The following FAM227B variants were observed in gnomAD, a reference collection of about 807,000 sequenced individuals.
The protein encoded by FAM227B is protein FAM227B.
Under a neutral mutation model 73.8 loss-of-function variants are expected in FAM227B, and 88 were observed. The observed-to-expected ratio is 1.19, with a 90% CI of 1.00 to 1.42. The LOEUF is 1.42. FAM227B is among the 40% of genes most tolerant of loss of function. The pLI is 0.00. For missense variants in FAM227B, 632 were observed against 590.9 expected (o/e 1.07, Z -0.72); for synonymous variants, 210 against 190.5 (o/e 1.10, Z -0.84).
intron 8 of FAM227B, among the ~76,000 whole-genome samples, chr15:49,572,719 T>A (rs940649272): frequency 4.6e-5 from 7 of 152,134 alleles, no homozygotes; most frequent in Admixed American, 4.6e-4. Flanking sequence ...ATAATATTTA[T>A]GCTTGGGAAT....
intron 13 of FAM227B, among the ~76,000 whole-genome samples, chr15:49,336,031 C>A (rs1028686329): frequency 4.6e-5 from 7 of 152,106 alleles, no homozygotes; most frequent in Non-Finnish European, 1.0e-4. Flanking sequence ...GAACTTCAAA[C>A]TCCTGGGCTC....
chr15:49,357,878 G>C (rs201198452), intron 13 of FAM227B, among the ~76,000 whole-genome samples: 24,317 of 151,614 alleles, frequency 0.16, 3,033 homozygotes, highest in African/African-American at 0.35. Context: ...CCATCAAAAA[G>C]CTTATCCACC....
At chr15:49,541,012 T>A (rs2070992682) in intron 10 of FAM227B, among the ~76,000 whole-genome samples, 1 of 152,108 alleles carries the variant, frequency 6.6e-6, no homozygotes, top group Admixed American at 6.6e-5. Context: ...ATTAAGCAGT[T>A]TTAAAAATCA....
At chr15:49,505,379 A>T (rs918840892) in intron 11 of FAM227B, among the ~76,000 whole-genome samples, 1 of 152,152 alleles carries the variant, frequency 6.6e-6, no homozygotes, top group Non-Finnish European at 1.5e-5. Flanking sequence ...TACACTTTAA[A>T]TATATGCAAT....
intron 11 of FAM227B, among the ~76,000 whole-genome samples, chr15:49,413,583 T>G (rs1019263290): frequency 1.3e-5 from 2 of 152,244 alleles, no homozygotes; most frequent in Non-Finnish European, 2.9e-5. Context: ...AATTATGGCC[T>G]CCTAACCAGT....
At chr15:49,352,806 TC>T (rs1375777021) in intron 13 of FAM227B, among the ~76,000 whole-genome samples, 1 of 152,102 alleles carries the variant, frequency 6.6e-6, no homozygotes, top group Non-Finnish European at 1.5e-5. Flanking sequence ...CCCAAGCAGT[TC>T]CCTATCTTGC....
chr15:49,427,992 T>C (rs1161354870), intron 11 of FAM227B, among the ~76,000 whole-genome samples: 1 of 152,014 alleles, frequency 6.6e-6, no homozygotes, highest in Non-Finnish European at 1.5e-5. Context: ...TTTTGTAAAA[T>C]ATTTTAAGTT....
intron 1 of FAM227B, among the ~76,000 whole-genome samples, chr15:49,615,596 G>A (rs530914110): frequency 1.3e-5 from 2 of 152,206 alleles, no homozygotes; most frequent in East Asian, 3.9e-4. Context: ...TTCACCTTCT[G>A]CCATGATTGT....
intron 11 of FAM227B, among the ~76,000 whole-genome samples, chr15:49,482,032 T>C: frequency 6.6e-6 from 1 of 152,144 alleles, no homozygotes; most frequent in East Asian, 1.9e-4. Flanking sequence ...CAATTAGTTT[T>C]TTCTTTAAGT....
intron 13 of FAM227B, chr15:49,365,107 C>G: frequency 4.4e-6 from 3 of 682,302 alleles, no homozygotes; most frequent in Non-Finnish European, 5.3e-6. Flanking sequence ...CACATTATAG[C>G]AGTTCCACAT....
intron 11 of FAM227B, among the ~76,000 whole-genome samples, chr15:49,444,250 G>A (rs1313820496): frequency 6.6e-6 from 1 of 151,596 alleles, no homozygotes; most frequent in Non-Finnish European, 1.5e-5. Flanking sequence ...TGAAAAAACG[G>A]AGAATGGAAG....
chr15:49,411,047 T>C (rs182411262), intron 11 of FAM227B, among the ~76,000 whole-genome samples: 259 of 148,524 alleles, frequency 1.7e-3, no homozygotes, highest in Non-Finnish European at 3.1e-3. Context: ...AGTAAGCAAA[T>C]GAGAGAGGGA....
intron 15 of FAM227B, chr15:49,330,253 A>G (rs1162141267): frequency 6.6e-6 from 1 of 152,218 alleles, no homozygotes; most frequent in Non-Finnish European, 1.5e-5. Context: ...TGTAGTGAAG[A>G]ATAAGATTGA....
chr15:49,396,719 AC>A (rs889361256), intron 11 of FAM227B, among the ~76,000 whole-genome samples: 1 of 148,760 alleles, frequency 6.7e-6, no homozygotes, highest in Non-Finnish European at 1.5e-5. Flanking sequence ...ACTGGGAGGC[AC>A]CCCCCAGCAG....
intron 4 of FAM227B, among the ~76,000 whole-genome samples, chr15:49,588,322 G>A (rs948447336): frequency 6.6e-6 from 1 of 150,752 alleles, no homozygotes; most frequent in Non-Finnish European, 1.5e-5. Flanking sequence ...TAACATGTCT[G>A]TGGCACTTAC....
intron 11 of FAM227B, among the ~76,000 whole-genome samples, chr15:49,494,647 G>C (rs2057442346): frequency 6.6e-6 from 1 of 152,006 alleles, no homozygotes. Context: ...ATGTATGCCT[G>C]CTACACATTC....
intron 11 of FAM227B, among the ~76,000 whole-genome samples, chr15:49,433,078 TA>T (rs2050760305): frequency 1.3e-5 from 2 of 151,344 alleles, no homozygotes; most frequent in African/African-American, 2.4e-5. Context: ...ATTTACTGGC[TA>T]AAAATTATTT....
chr15:49,571,070 TA>T (rs1227762047), intron 8 of FAM227B, among the ~76,000 whole-genome samples: 1 of 151,706 alleles, frequency 6.6e-6, no homozygotes, highest in Non-Finnish European at 1.5e-5. Context: ...CACAGCAGTT[TA>T]AACTCCTTTG....
At chr15:49,433,647 C>G (rs193114692) in intron 11 of FAM227B, among the ~76,000 whole-genome samples, 51 of 151,644 alleles carry the variant, frequency 3.4e-4, no homozygotes, top group African/African-American at 1.2e-3. Context: ...TTTCAAGGAA[C>G]TGGTGGAAAA....
Sources: allele counts gnomAD v4.1 joint callset (sites outside exome capture counted in the v4.1 genomes callset), GRCh38; gene constraint gnomAD v4.1.1; transcripts MANE v1.5; gene names NCBI Gene and HGNC (gene_info 2026-07-23, HGNC 2026-07-21).